The following EML6 variants were observed in gnomAD, a reference collection of about 807,000 sequenced individuals.
EML6 encodes EMAP like 6.
A neutral mutation model predicts 240.1 loss-of-function variants in EML6; 154 were observed. The observed-to-expected ratio is 0.64, with a 90% CI of 0.56 to 0.73. The LOEUF is 0.73. EML6 is among the 30% of genes least tolerant of loss of function. The pLI is 0.00. For synonymous variants in EML6, 1,148 were observed against 899.0 expected, an observed-to-expected ratio of 1.28 and a Z score of -4.95; for missense variants, 2,964 against 2,474.6, an observed-to-expected ratio of 1.20 and a Z score of -4.20.
chr2:54,756,997 T>C (rs1667762024), intron 2 of EML6, among the ~76,000 whole-genome samples: 1 of 152,012 alleles, frequency 6.6e-6, no homozygotes. Flanking sequence ...TTTTTCTATT[T>C]TGTCATTCAA....
intron 12 of EML6, among the ~76,000 whole-genome samples, chr2:54,862,694 C>T (rs1310704095): frequency 6.6e-6 from 1 of 151,984 alleles, no homozygotes; most frequent in Non-Finnish European, 1.5e-5. Context: ...AAGATGAATC[C>T]AAAAAGATGT....
chr2:54,819,698 C>T (rs1416146739), intron 4 of EML6, among the ~76,000 whole-genome samples: 2 of 148,820 alleles, frequency 1.3e-5, no homozygotes, highest in African/African-American at 4.9e-5. Flanking sequence ...ATTGCTTGAA[C>T]CTGGGAAGCG....
rs1428715272 is a variant in EML6 at position 54,928,620 on chromosome 2, T to A, written c.3878-5T>A. 6.4e-7 allele frequency: 1 copy of A among 1,552,200 alleles called. No individual in the cohort carries two copies. On this transcript the variant is annotated splice_polypyrimidine_tract_variant and splice_region_variant and intron_variant, in intron 27 of 41. Coordinates refer to ENST00000356458, the MANE Select transcript of EML6 (RefSeq NM_001039753.4). ...TGGCTCCCCAATCTCTTTCTGTTGTTTGAGGCTATGACAGCGATGTTGCTA... is the reference window on the plus strand; with the variant it reads ...TGGCTCCCCAATCTCTTTCTGTTGTATGAGGCTATGACAGCGATGTTGCTA...
At chr2:54,903,020 T>G (rs1341647916) in intron 22 of EML6, 24 bp from the exon 23 acceptor site, 2 of 1,544,980 alleles carry the variant, frequency 1.3e-6, no homozygotes, top group Non-Finnish European at 1.7e-6. Context: ...GGATAATAAG[T>G]GTTTTTTGTG....
chr2:54,930,896 C>T (rs1674819155), intron 28 of EML6, among the ~76,000 whole-genome samples: 1 of 151,370 alleles, frequency 6.6e-6, no homozygotes, highest in Admixed American at 6.6e-5. Flanking sequence ...CAGACTCCAC[C>T]AGTCCTGGTC....
intron 17 of EML6, among the ~76,000 whole-genome samples, chr2:54,884,991 T>C (rs1672045133): frequency 6.6e-6 from 1 of 151,830 alleles, no homozygotes; most frequent in African/African-American, 2.4e-5. Context: ...CCGGCCCCCG[T>C]CTCTACTAAA....
chr2:54,937,842 G>C (rs1375257479), intron 28 of EML6, among the ~76,000 whole-genome samples: 2 of 152,130 alleles, frequency 1.3e-5, no homozygotes, highest in Non-Finnish European at 2.9e-5. Context: ...AATACTGTTT[G>C]TATTTAAATC....
At chr2:54,741,395 C>G (rs575165865) in intron 2 of EML6, among the ~76,000 whole-genome samples, 1 of 152,240 alleles carries the variant, frequency 6.6e-6, no homozygotes, top group South Asian at 2.1e-4. Flanking sequence ...GCCCCAAAAT[C>G]TGCATTTAAA....
intron 5 of EML6, among the ~76,000 whole-genome samples, chr2:54,821,934 C>A (rs1316290093): frequency 6.6e-6 from 1 of 151,946 alleles, no homozygotes; most frequent in Non-Finnish European, 1.5e-5. Flanking sequence ...GCAAAGAAAT[C>A]GTAAGGAATA....
intron 7 of EML6, among the ~76,000 whole-genome samples, chr2:54,843,578 C>G (rs540397521): frequency 7.0e-4 from 107 of 152,198 alleles, no homozygotes; most frequent in Non-Finnish European, 1.1e-3. Flanking sequence ...GGCGTGGTGG[C>G]TCATGCCTGT....
At chr2:54,871,652 G>C in intron 16 of EML6, 47 bp downstream of exon 16, 1 of 1,333,590 alleles carries the variant, frequency 7.5e-7, no homozygotes, top group Non-Finnish European at 1.1e-6. Context: ...GAGAGAGAGA[G>C]AGACACAGAG....
intron 11 of EML6, among the ~76,000 whole-genome samples, chr2:54,854,972 G>A (rs1173305393): frequency 6.6e-6 from 1 of 152,192 alleles, no homozygotes; most frequent in African/African-American, 2.4e-5. Flanking sequence ...AACACTACTG[G>A]TCTCTAGTGT....
rs563585911 is a variant in EML6 at position 54,851,073 on chromosome 2, G to A, written c.1444+855G>A. 5.3e-5 allele frequency among the ~76,000 whole-genome samples: 8 copies of A among 152,282 alleles called. No homozygotes were observed. The South Asian group carries it at 1.7e-3, about 32-fold the overall frequency. On this transcript the variant is annotated intron_variant, in intron 10 of 41. Transcript: ENST00000356458. ...TGCATGGGAATGATACCTCATTCAG[G>A]ATGTTGGTTACCGCTGAGAAGCAGA...
chr2:54,724,950 A>G lies in EML6; in HGVS notation c.-112A>G. 1.1e-6 allele frequency: 1 copy of G among 882,254 alleles called. No homozygotes were observed. Among genetic ancestry groups the G allele is most frequent in the Non-Finnish European group, 1.5e-6 (1 of 674,620 alleles). 54.7% of individuals were successfully genotyped at this position (882,254 alleles called of 1,614,324 possible). A position where few individuals can be genotyped will look rare whatever the true frequency, so the allele number is the denominator to read the frequency against. ...GGCTGTGCCTGTGTGTCGCCGCGGA[A>G]ATCAGCGCCCTGCGCCGCGCGCTGA... On this transcript the variant is annotated 5_prime_UTR_variant, in exon 2 of 42. Transcript: ENST00000356458. The surrounding 1 kb of genome is among the most constrained non-coding windows in gnomAD (Gnocchi z 5.2).
intron 5 of EML6, among the ~76,000 whole-genome samples, chr2:54,822,003 A>T (rs547660326): frequency 7.2e-5 from 11 of 152,236 alleles, no homozygotes; most frequent in African/African-American, 2.6e-4. Flanking sequence ...TTTCCACAAA[A>T]AGAGGGAAAC....
chr2:54,911,966 G>A (rs1256781591), intron 25 of EML6, among the ~76,000 whole-genome samples: 1 of 152,320 alleles, frequency 6.6e-6, no homozygotes, highest in East Asian at 1.9e-4. Flanking sequence ...ATGAGCCCTG[G>A]TCTAACTGTT....
chr2:54,731,256 T>C (rs1683153801), intron 2 of EML6, among the ~76,000 whole-genome samples: 1 of 152,234 alleles, frequency 6.6e-6, no homozygotes, highest in Non-Finnish European at 1.5e-5. Context: ...TGGGTTTTGG[T>C]ACCATATGCC....
intron 17 of EML6, among the ~76,000 whole-genome samples, chr2:54,889,714 C>T (rs1213207262): frequency 6.6e-6 from 1 of 152,062 alleles, no homozygotes; most frequent in East Asian, 1.9e-4. Flanking sequence ...ATATCCTTTG[C>T]AAATATGAAT....
At chr2:54,766,122 G>A (rs574561934) in intron 2 of EML6, among the ~76,000 whole-genome samples, 3 of 152,184 alleles carry the variant, frequency 2.0e-5, no homozygotes, top group Admixed American at 6.5e-5. Context: ...CCACTTGAGA[G>A]TAAGTTGCAG....
Sources: allele counts gnomAD v4.1 joint callset (sites outside exome capture counted in the v4.1 genomes callset), GRCh38; gene constraint gnomAD v4.1.1; non-coding constraint Gnocchi (gnomAD v3.1); transcripts MANE v1.5; gene names NCBI Gene and HGNC (gene_info 2026-07-23, HGNC 2026-07-21).